FADS2: variants seen among roughly 807,000 people sequenced by gnomAD.
The protein encoded by FADS2 is acyl-CoA 6-desaturase.
Under a neutral mutation model 61.2 loss-of-function variants are expected in FADS2, and 18 were observed. The observed-to-expected ratio is 0.29, with a 90% CI of 0.20 to 0.44. The LOEUF is 0.44. Among genes scored for constraint, FADS2 ranks in the 20% least tolerant of loss-of-function variants. FADS2 has a pLI of 1.00. For missense variants in FADS2, 322 were observed against 572.7 expected (o/e 0.56, Z 4.47); for synonymous variants, 203 against 223.9 (o/e 0.91, Z 0.83).
chr11:61,865,065 G>T lies in FADS2; in HGVS notation c.1158-87G>T. ...GTGGACAGGGTCTCTGAGGGCCCCA[G>T]CCAGCCTCTGCCCAGGTGGTGGGAG... On this transcript the variant is annotated intron_variant, in intron 10 of 11. Transcript: ENST00000278840. This position sits in a 1 kb window ranked among gnomAD's most constrained non-coding sequence, Gnocchi z 4.1. 6.6e-7 allele frequency: 1 copy of T among 1,505,980 alleles called. No individual in the cohort carries two copies. Among genetic ancestry groups the T allele is most frequent in the Non-Finnish European group, 9.0e-7 (1 of 1,112,744 alleles). The allele number at this position is 1,505,980 out of a possible 1,614,324, so 93.3% of individuals were successfully genotyped here.
At chr11:61,839,591 G>A (rs12279225) in intron 2 of FADS2, among the ~76,000 whole-genome samples, 1,874 of 152,260 alleles carry the variant, frequency 0.012, 40 homozygotes, top group African/African-American at 0.043. Flanking sequence ...CCAAAGTGCT[G>A]GGATTAAAGT....
chr11:61,857,101 G>A (rs370896114), intron 6 of FADS2, 30 bp downstream of exon 6: 3 of 1,595,164 alleles, frequency 1.9e-6, no homozygotes, highest in Non-Finnish European at 2.6e-6. Flanking sequence ...AAATCACTCT[G>A]GGACCCTCCC....
intron 10 of FADS2, chr11:61,864,071 G>A: frequency 2.3e-6 from 1 of 429,778 alleles, no homozygotes. Context: ...TATGGAGCCT[G>A]CACACGCACC....
intron 5 of FADS2, among the ~76,000 whole-genome samples, chr11:61,850,475 T>C (rs1404896067): frequency 1.3e-5 from 2 of 152,080 alleles, no homozygotes; most frequent in Non-Finnish European, 2.9e-5. Flanking sequence ...GGTCTTGAAC[T>C]CCTGACTTCG....
At chr11:61,853,697 C>T (rs946641320) in intron 5 of FADS2, among the ~76,000 whole-genome samples, 1 of 152,114 alleles carries the variant, frequency 6.6e-6, no homozygotes, top group Non-Finnish European at 1.5e-5. Flanking sequence ...CCCATCCCGC[C>T]TTGGGACACA....
At chr11:61,843,376 G>A (rs1169054803) in intron 4 of FADS2, among the ~76,000 whole-genome samples, 1 of 152,216 alleles carries the variant, frequency 6.6e-6, no homozygotes, top group Admixed American at 6.5e-5. Flanking sequence ...GCTGCGGTGA[G>A]CTGTGATGGT....
intron 1 of FADS2, among the ~76,000 whole-genome samples, chr11:61,836,654 C>T (rs2067177328): frequency 6.6e-6 from 1 of 152,260 alleles, no homozygotes; most frequent in African/African-American, 2.4e-5. Flanking sequence ...CAGGCATGAG[C>T]CCCTGCGACC....
At chr11:61,826,250 G>C, upstream of FADS2, 1 of 702,306 alleles carries the variant, frequency 1.4e-6, no homozygotes, top group Non-Finnish European at 2.6e-6. Flanking sequence ...TCATTCATTT[G>C]TGTCTTCAAC....
intron 1 of FADS2, among the ~76,000 whole-genome samples, chr11:61,833,272 GAGCCTGGTTCCAATTCTTGGTCCAA>G (rs1341623744): frequency 2.0e-5 from 3 of 152,198 alleles, no homozygotes; most frequent in Non-Finnish European, 4.4e-5. Context: ...CACTAGGATA[GAGCCTGGTTCCAATTCTTGGTCCAA>G]AGACAAAGTT....
chr11:61,853,318 T>C (rs1433611942), intron 5 of FADS2, among the ~76,000 whole-genome samples: 13 of 135,506 alleles, frequency 9.6e-5, no homozygotes, highest in African/African-American at 3.6e-4. Flanking sequence ...CTTCCTTCCT[T>C]CCTTCCTTCC....
rs748559660 is a variant in FADS2 at position 61,837,760 on chromosome 11, C to T, written c.208-18C>T. The T allele has an allele frequency of 6.4e-7, 1 of 1,572,188 alleles. No individual in the cohort carries two copies. The highest frequency in any genetic ancestry group is 1.7e-5 in the Admixed American group (1 of 57,580). ...CAGAGTTCAGGTCTTAGCCTCATCACTGCCCTCTGCTCTCCAGGATGCCTT... is the reference window on the plus strand; with the variant it reads ...CAGAGTTCAGGTCTTAGCCTCATCATTGCCCTCTGCTCTCCAGGATGCCTT... On this transcript the variant is annotated intron_variant, in intron 1 of 11. Coordinates refer to ENST00000278840, the MANE Select transcript of FADS2 (RefSeq NM_004265.4).
At position 61,845,131 on chromosome 11, in the gene FADS2, T is replaced by G. The variant is rs376396121; in HGVS notation, c.619-3028T>G. Among the ~76,000 whole-genome samples the G allele has an allele frequency of 1.7e-4, 25 of 147,200 alleles. 1 individual carries two copies. Among genetic ancestry groups the G allele is most frequent in the Admixed American group, 9.1e-4 (13 of 14,244 alleles). ...TTATACCGAGGAGCTTTCCTCTGGC[T>G]TCTGGAGCACTCTACACTCCCCCTT... On this transcript the variant is annotated intron_variant, in intron 4 of 11. Transcript: ENST00000278840.
intron 5 of FADS2, chr11:61,856,438 C>T (rs2067360021): frequency 1.3e-5 from 2 of 152,344 alleles, no homozygotes; most frequent in Non-Finnish European, 2.9e-5. Context: ...AGGAGTGATT[C>T]ACTCTTGTAA....
At chr11:61,863,132 G>C in intron 8 of FADS2, 63 bp downstream of exon 8, 1 of 1,523,106 alleles carries the variant, frequency 6.6e-7, no homozygotes, top group Non-Finnish European at 9.1e-7. Context: ...GCTTTGGCAT[G>C]AGAAGAGGCT....
intron 9 of FADS2, 114 bp from the exon 10 acceptor site, chr11:61,863,593 G>T: frequency 1.1e-6 from 1 of 890,722 alleles, no homozygotes; most frequent in South Asian, 1.5e-5. Flanking sequence ...CAGGCAGGAC[G>T]GTATGATGTG....
chr11:61,830,276 A>G (rs1237859940), intron 1 of FADS2, among the ~76,000 whole-genome samples: 1 of 152,270 alleles, frequency 6.6e-6, no homozygotes, highest in East Asian at 1.9e-4. Context: ...AGTTTCCAGA[A>G]GGAAAAGTCA....
At chr11:61,857,581 A>AG in intron 7 of FADS2, 51 bp downstream of exon 7, 1 of 1,534,304 alleles carries the variant, frequency 6.5e-7, no homozygotes. Context: ...TGACTGGGAC[A>AG]GGGGGACCCG....
rs2067475388 is a variant in FADS2, at chr11:61,866,859, T to C, written c.*1170T>C. 1 of 152,414 alleles carries C rather than the reference T, an allele frequency of 6.6e-6. No homozygotes were observed. Among genetic ancestry groups the C allele is most frequent in the African/African-American group, 2.4e-5 (1 of 41,408 alleles). The allele number at this position is 152,414 out of a possible 1,614,324, so 9.4% of individuals were successfully genotyped here. ...CTTTCACCACATGGCCTTGCCTCGG[T>C]GGCCCTGACTGTCAGGGAGGGCCAG... On this transcript the variant is annotated 3_prime_UTR_variant, in exon 12 of 12. Transcript: ENST00000278840.
intron 4 of FADS2, among the ~76,000 whole-genome samples, chr11:61,845,608 C>T (rs1336307489): frequency 1.3e-5 from 2 of 152,030 alleles, no homozygotes; most frequent in African/African-American, 4.8e-5. Context: ...GCCTGGCCAA[C>T]ATGGTGAAAC....
Sources: allele counts gnomAD v4.1 joint callset (sites outside exome capture counted in the v4.1 genomes callset), GRCh38; gene constraint gnomAD v4.1.1; non-coding constraint Gnocchi (gnomAD v3.1); transcripts MANE v1.5; gene names NCBI Gene and HGNC (gene_info 2026-07-23, HGNC 2026-07-21).